Variants in HDAC9 observed in about 807,000 individuals in gnomAD.
HDAC9 encodes histone deacetylase 9.
HDAC9 carries 41 observed loss-of-function variants against 139.4 expected under a neutral mutation model. The observed-to-expected ratio is 0.29, with a 90% confidence interval of 0.23 to 0.38. The LOEUF (loss-of-function observed/expected upper bound fraction) is 0.38, where lower values mean the gene tolerates loss of function less well. HDAC9 is among the 10% of genes least tolerant of loss of function. The pLI, the probability that HDAC9 is intolerant of heterozygous loss-of-function variation, is 1.00. For missense variants in HDAC9, 1,147 were observed against 1,297.0 expected, an observed-to-expected ratio of 0.88 and a Z score of 1.78; for synonymous variants, 517 against 476.2, an observed-to-expected ratio of 1.09 and a Z score of -1.12.
rs183113318 is a variant in HDAC9, at chr7:18,375,609, C to T, written c.-42+85094C>T. Among the ~76,000 whole-genome samples, 834 of 152,300 alleles carry T rather than the reference C, an allele frequency of 5.5e-3. 6 individuals carry two copies. The highest frequency in any genetic ancestry group is 8.0e-3 in the Non-Finnish European group (546 of 68,014). On this transcript the variant is annotated intron_variant, in intron 1 of 3. Transcript: ENST00000413509. ...TGTGGTGCAGATGGTACCCTGCACACTGGCACTTCGCTGAGGGGTGAATGG... is the reference window on the plus strand; with the variant it reads ...TGTGGTGCAGATGGTACCCTGCACATTGGCACTTCGCTGAGGGGTGAATGG...
chr7:18,209,485 T>C (rs183852964), intron 2 of HDAC9, among the ~76,000 whole-genome samples: 1 of 152,318 alleles, frequency 6.6e-6, no homozygotes, highest in Non-Finnish European at 1.5e-5. Flanking sequence ...CTTTGATTAT[T>C]AATTACTCTG....
At chr7:18,111,676 A>G (rs1783628352) in intron 1 of HDAC9, among the ~76,000 whole-genome samples, 1 of 152,132 alleles carries the variant, frequency 6.6e-6, no homozygotes, top group South Asian at 2.1e-4. Flanking sequence ...TTATATTGTT[A>G]TTGCTTATTT....
At chr7:18,477,340 G>T (rs1388898755) in intron 1 of HDAC9, among the ~76,000 whole-genome samples, 1 of 152,206 alleles carries the variant, frequency 6.6e-6, no homozygotes, top group Non-Finnish European at 1.5e-5. Flanking sequence ...GTTTAATCCA[G>T]CGTGTCTTAA....
intron 2 of HDAC9, among the ~76,000 whole-genome samples, chr7:18,167,694 A>C (rs1357450307): frequency 6.6e-6 from 1 of 152,176 alleles, no homozygotes; most frequent in Admixed American, 6.5e-5. Flanking sequence ...ATTGAGTGTG[A>C]GAGGTTTCCA....
intron 13 of HDAC9, among the ~76,000 whole-genome samples, chr7:18,733,335 GTA>G (rs1366578172): frequency 1.3e-5 from 2 of 150,064 alleles, no homozygotes; most frequent in African/African-American, 4.9e-5. Flanking sequence ...GTATATATGT[GTA>G]TGTGTGTGTG....
intron 6 of HDAC9, among the ~76,000 whole-genome samples, chr7:18,617,767 A>C (rs1379241503): frequency 6.6e-6 from 1 of 152,192 alleles, no homozygotes; most frequent in African/African-American, 2.4e-5. Context: ...CATAATTGGC[A>C]CTGAATAAAT....
intron 6 of HDAC9, among the ~76,000 whole-genome samples, chr7:18,626,111 C>T (rs1841639466): frequency 6.6e-6 from 1 of 152,052 alleles, no homozygotes; most frequent in Non-Finnish European, 1.5e-5. Context: ...TGGGGGTACC[C>T]AGAAAATAGC....
chr7:18,705,874 T>A (rs117844302), intron 12 of HDAC9, among the ~76,000 whole-genome samples: 31,008 of 103,558 alleles, frequency 0.3, 5,598 homozygotes, highest in African/African-American at 0.51. Flanking sequence ...TAAAATAAAA[T>A]AAAATAAAAG....
chr7:18,461,967 G>A (rs958084807), intron 1 of HDAC9, among the ~76,000 whole-genome samples: 1 of 152,104 alleles, frequency 6.6e-6, no homozygotes, highest in Admixed American at 6.6e-5. Context: ...GAAAACAGAG[G>A]CCTGGAGAAA....
In HDAC9 at chr7:18,218,635, C is replaced by T. The variant is rs549533105; in HGVS notation, c.25+56286C>T. Reference sequence around the variant, plus strand: ...CACACACAGAAGGACATAGAAGTTACGCTTAGGTCCACCATTCAGTCCCTG... The same window carrying T: ...CACACACAGAAGGACATAGAAGTTATGCTTAGGTCCACCATTCAGTCCCTG... On this transcript the variant is annotated intron_variant, in intron 2 of 12. Coordinates refer to the HDAC9 transcript ENST00000417496. Among the ~76,000 whole-genome samples the T allele has an allele frequency of 8.0e-4, 122 of 152,168 alleles. 1 individual carries two copies. Among genetic ancestry groups the T allele is most frequent in the African/African-American group, 2.3e-3 (94 of 41,498 alleles).
At chr7:18,518,512 T>A (rs995492942) in intron 2 of HDAC9, among the ~76,000 whole-genome samples, 2 of 152,176 alleles carry the variant, frequency 1.3e-5, no homozygotes, top group African/African-American at 4.8e-5. Context: ...AGCCCAAGAC[T>A]AAAAGGCATA....
At chr7:18,570,175 GAAAAAC>G (rs1365247711) in intron 2 of HDAC9, among the ~76,000 whole-genome samples, 5 of 150,962 alleles carry the variant, frequency 3.3e-5, no homozygotes, top group Non-Finnish European at 7.4e-5. Flanking sequence ...GTGAATTTAA[GAAAAAC>G]AAAAACAAAA....
chr7:18,088,618 G>T (rs898711115), intron 1 of HDAC9, among the ~76,000 whole-genome samples: 8 of 152,164 alleles, frequency 5.3e-5, no homozygotes, highest in Non-Finnish European at 1.0e-4. Flanking sequence ...CAGCAATCAT[G>T]TTTAAAAGAT....
intron 16 of HDAC9, among the ~76,000 whole-genome samples, chr7:18,784,559 C>T (rs1450556493): frequency 4.6e-5 from 7 of 151,546 alleles, no homozygotes; most frequent in African/African-American, 1.7e-4. Context: ...CAGACATTTG[C>T]AGAAGCACAG....
At chr7:18,172,065 G>T (rs1440700764) in intron 2 of HDAC9, among the ~76,000 whole-genome samples, 1 of 152,156 alleles carries the variant, frequency 6.6e-6, no homozygotes, top group Non-Finnish European at 1.5e-5. Context: ...CTGTGAATTC[G>T]TCTGGTTCTG....
chr7:18,651,465 A>G (rs574872082), intron 11 of HDAC9, among the ~76,000 whole-genome samples: 4 of 152,172 alleles, frequency 2.6e-5, no homozygotes, highest in Non-Finnish European at 5.9e-5. Flanking sequence ...AAATATAAGT[A>G]GGATTATTTC....
intron 1 of HDAC9, among the ~76,000 whole-genome samples, chr7:18,122,925 A>G (rs1375724708): frequency 3.3e-5 from 5 of 152,216 alleles, no homozygotes; most frequent in Non-Finnish European, 7.3e-5. Context: ...ATCTATCATT[A>G]CATACAAAGA....
chr7:18,794,911 T>C (rs6972607), intron 17 of HDAC9, among the ~76,000 whole-genome samples: 124,593 of 152,182 alleles, frequency 0.82, 51,736 homozygotes, highest in African/African-American at 0.89. Flanking sequence ...TCACAATTTC[T>C]AATTGTTTTA....
intron 1 of HDAC9, among the ~76,000 whole-genome samples, chr7:18,310,779 A>T: frequency 6.6e-6 from 1 of 150,416 alleles, no homozygotes; most frequent in East Asian, 1.9e-4. Flanking sequence ...GACATTTTCT[A>T]CAGATTTTTA....
Sources: allele counts gnomAD v4.1 joint callset (sites outside exome capture counted in the v4.1 genomes callset), GRCh38; gene constraint gnomAD v4.1.1; transcripts MANE v1.5; gene names NCBI Gene and HGNC (gene_info 2026-07-23, HGNC 2026-07-21).